The following HECW1 variants were observed in gnomAD, a reference collection of about 807,000 sequenced individuals.
HECW1 encodes E3 ubiquitin-protein ligase HECW1.
A neutral mutation model predicts 182.3 loss-of-function variants in HECW1; 61 were observed. That is an observed-to-expected ratio of 0.33 (90% CI 0.27 to 0.41). The LOEUF is 0.41. HECW1 is among the 10% of genes least tolerant of loss of function. HECW1 has a pLI of 1.00. For synonymous variants in HECW1, 859 were observed against 832.6 expected (o/e 1.03, Z -0.55); for missense variants, 1,739 against 2,108.9 (o/e 0.82, Z 3.44).
intron 6 of HECW1, among the ~76,000 whole-genome samples, chr7:43,381,130 C>G (rs1437608521): frequency 4.6e-5 from 7 of 152,070 alleles, no homozygotes; most frequent in Admixed American, 3.9e-4. Flanking sequence ...GTTTATTGGC[C>G]ATTGGATTCC....
intron 2 of HECW1, among the ~76,000 whole-genome samples, chr7:43,220,805 G>A (rs1417872374): frequency 2.0e-5 from 3 of 152,188 alleles, no homozygotes; most frequent in Admixed American, 2.0e-4. Context: ...CCCATGGCCT[G>A]CCCTGGAACA....
At chr7:43,236,132 A>G (rs762281665) in intron 2 of HECW1, among the ~76,000 whole-genome samples, 27 of 152,230 alleles carry the variant, frequency 1.8e-4, no homozygotes, top group Non-Finnish European at 3.4e-4. Context: ...GTCCGTGTAT[A>G]TACACACATG....
chr7:43,362,341 G>T (rs778255681), intron 6 of HECW1, among the ~76,000 whole-genome samples: 1 of 152,164 alleles, frequency 6.6e-6, no homozygotes, highest in Non-Finnish European at 1.5e-5. Context: ...CTCCATCCTC[G>T]GCAGGACTGG....
intron 3 of HECW1, among the ~76,000 whole-genome samples, chr7:43,254,102 T>A (rs1800315312): frequency 6.6e-6 from 1 of 152,132 alleles, no homozygotes; most frequent in African/African-American, 2.4e-5. Context: ...TTAAGGGAAA[T>A]TTTCCAGGCA....
chr7:43,276,518 T>A (rs1348111144), intron 3 of HECW1, among the ~76,000 whole-genome samples: 1 of 152,250 alleles, frequency 6.6e-6, no homozygotes, highest in African/African-American at 2.4e-5. Flanking sequence ...CAATTACTTT[T>A]AAAAATCATA....
At chr7:43,259,017 A>G (rs183993436) in intron 3 of HECW1, among the ~76,000 whole-genome samples, 3 of 152,208 alleles carry the variant, frequency 2.0e-5, no homozygotes, top group Non-Finnish European at 4.4e-5. Context: ...GCCCCCAGAT[A>G]TGGGAAAAAG....
chr7:43,179,324 A>G (rs7802327), intron 2 of HECW1, among the ~76,000 whole-genome samples: 45,057 of 152,002 alleles, frequency 0.3, 6,740 homozygotes, highest in Admixed American at 0.33. Context: ...CTGTAATATT[A>G]ATAGAAGCCC....
chr7:43,301,101 C>T (rs1389952358), intron 3 of HECW1, among the ~76,000 whole-genome samples: 4 of 152,150 alleles, frequency 2.6e-5, no homozygotes, highest in Non-Finnish European at 4.4e-5. Flanking sequence ...TGAACAAAAC[C>T]TCCGTGGCCC....
At chr7:43,282,756 T>C (rs1018204857) in intron 3 of HECW1, among the ~76,000 whole-genome samples, 1 of 152,228 alleles carries the variant, frequency 6.6e-6, no homozygotes, top group African/African-American at 2.4e-5. Context: ...AACAGTCATC[T>C]AACTGACAAT....
chr7:43,416,692 G>A (rs373614285), intron 8 of HECW1, among the ~76,000 whole-genome samples: 3 of 145,694 alleles, frequency 2.1e-5, no homozygotes, highest in African/African-American at 2.5e-5. Context: ...TTCCGTGGGC[G>A]TAGGACCCTC....
intron 28 of HECW1, among the ~76,000 whole-genome samples, chr7:43,553,577 A>G (rs2081919218): frequency 2.0e-5 from 3 of 151,546 alleles, no homozygotes; most frequent in South Asian, 4.2e-4. Context: ...GCTGAGATAG[A>G]AGGATCCCTT....
At chr7:43,512,411 G>A (rs2079920451) in intron 24 of HECW1, among the ~76,000 whole-genome samples, 2 of 152,130 alleles carry the variant, frequency 1.3e-5, no homozygotes, top group Non-Finnish European at 2.9e-5. Context: ...GTTGTTGTTG[G>A]TTTTTTCCAA....
intron 4 of HECW1, among the ~76,000 whole-genome samples, chr7:43,316,209 T>C (rs189111715): frequency 6.0e-4 from 92 of 152,152 alleles, no homozygotes; most frequent in African/African-American, 1.9e-3. Flanking sequence ...GAGCAGGTGG[T>C]AGGATTCTAC....
chr7:43,560,917 G>A (rs2082187924), intron 29 of HECW1, among the ~76,000 whole-genome samples: 2 of 152,188 alleles, frequency 1.3e-5, no homozygotes, highest in South Asian at 4.1e-4. Context: ...GGAAAAGGCA[G>A]GAAATGAACT....
At chr7:43,205,981 G>A (rs1795440621) in intron 2 of HECW1, among the ~76,000 whole-genome samples, 1 of 152,114 alleles carries the variant, frequency 6.6e-6, no homozygotes, top group African/African-American at 2.4e-5. Flanking sequence ...CCCCATCCAG[G>A]ACACCCTCTC....
intron 6 of HECW1, among the ~76,000 whole-genome samples, chr7:43,396,405 C>G (rs2075233138): frequency 6.6e-6 from 1 of 152,218 alleles, no homozygotes; most frequent in African/African-American, 2.4e-5. Flanking sequence ...AGCAGTTCAA[C>G]ACTCTACTTT....
intron 3 of HECW1, among the ~76,000 whole-genome samples, chr7:43,264,641 C>G (rs544969838): frequency 1.3e-5 from 2 of 151,832 alleles, no homozygotes; most frequent in Non-Finnish European, 1.5e-5. Flanking sequence ...GTCAGGAGAC[C>G]AAGACCATCC....
chr7:43,178,254 T>C (rs944804577), intron 2 of HECW1, among the ~76,000 whole-genome samples: 2 of 152,148 alleles, frequency 1.3e-5, no homozygotes, highest in Non-Finnish European at 2.9e-5. Flanking sequence ...GATCTGCCCG[T>C]CTTGGCCTCC....
At chr7:43,330,158 G>C (rs1289450848) in intron 5 of HECW1, among the ~76,000 whole-genome samples, 2 of 152,130 alleles carry the variant, frequency 1.3e-5, no homozygotes, top group Non-Finnish European at 2.9e-5. Flanking sequence ...GCTGTGACCT[G>C]GGCTGGTTTC....
Sources: allele counts gnomAD v4.1 joint callset (sites outside exome capture counted in the v4.1 genomes callset), GRCh38; gene constraint gnomAD v4.1.1; transcripts MANE v1.5; gene names NCBI Gene and HGNC (gene_info 2026-07-23, HGNC 2026-07-21).